Variants in CWC22 observed in about 807,000 individuals in gnomAD.
CWC22 encodes the protein pre-mRNA-splicing factor CWC22 homolog.
A neutral mutation model predicts 117.2 loss-of-function variants in CWC22; 53 were observed. The observed-to-expected ratio is 0.45, with a 90% CI of 0.36 to 0.57. The LOEUF (loss-of-function observed/expected upper bound fraction) is 0.57, where lower values mean the gene tolerates loss of function less well. Ranked by LOEUF, CWC22 falls within the 20% of genes least tolerant of loss-of-function variation. CWC22 has a pLI of 0.00. For synonymous variants in CWC22, 360 were observed against 355.6 expected (o/e 1.01, Z -0.14); for missense variants, 980 against 1,068.8 (o/e 0.92, Z 1.16).
At chr2:179,997,613 T>C (rs969948205) in intron 1 of CWC22, among the ~76,000 whole-genome samples, 4 of 152,206 alleles carry the variant, frequency 2.6e-5, no homozygotes, top group African/African-American at 9.6e-5. Context: ...TGGTATTTTT[T>C]TCCCTACCTC....
chr2:179,973,470 T>C (rs1687081664), intron 7 of CWC22, among the ~76,000 whole-genome samples, 164 bp downstream of exon 7: 1 of 152,180 alleles, frequency 6.6e-6, no homozygotes, highest in South Asian at 2.1e-4. Flanking sequence ...TCATCAATAG[T>C]GGCCAGGGAT....
chr2:179,949,863 T>C (rs1393091299), intron 19 of CWC22, among the ~76,000 whole-genome samples: 1 of 152,120 alleles, frequency 6.6e-6, no homozygotes, highest in African/African-American at 2.4e-5. Context: ...CAGTAATGCA[T>C]CTAAATCTCA....
intron 1 of CWC22, among the ~76,000 whole-genome samples, chr2:179,999,910 T>C (rs1263336536): frequency 6.6e-6 from 1 of 152,160 alleles, no homozygotes; most frequent in Non-Finnish European, 1.5e-5. Flanking sequence ...TTATTCTAAA[T>C]GCCAAAATAT....
intron 8 of CWC22, among the ~76,000 whole-genome samples, chr2:179,972,149 A>G (rs1687049727): frequency 6.6e-6 from 1 of 152,186 alleles, no homozygotes; most frequent in African/African-American, 2.4e-5. Context: ...TCAAAATCTA[A>G]AAGATTTGTA....
intron 12 of CWC22, among the ~76,000 whole-genome samples, chr2:179,965,188 A>G (rs1240286972): frequency 2.0e-5 from 3 of 152,242 alleles, no homozygotes; most frequent in African/African-American, 7.2e-5. Flanking sequence ...GGAAAAAATT[A>G]AATCTATTTT....
intron 19 of CWC22, 68 bp from the exon 20 acceptor site, chr2:179,945,783 AT>A: frequency 1.0e-6 from 1 of 975,214 alleles, no homozygotes; most frequent in Non-Finnish European, 1.5e-6. Context: ...TAACAATCAC[AT>A]TTACTGATAC....
Position 179,964,564 on chromosome 2 carries a change from A to G in CWC22, c.1380T>C (p.Tyr460=). ...TGCCTTACCTTGACTGAATAGCAAGATAAATTGTACGACGAAATGAGACCA... is the reference window on the plus strand; with the variant it reads ...TGCCTTACCTTGACTGAATAGCAAGGTAAATTGTACGACGAAATGAGACCA... The part of the protein sequence containing the change: ...INLVSFRRTI[Y]LAIQSSLDFE... Residue 460 remains tyrosine, a synonymous_variant, in exon 13 of 20, where the codon TAT becomes TAC. Transcript: ENST00000410053. 1 of 1,564,560 alleles carries G rather than the reference A, an allele frequency of 6.4e-7. No individual in the cohort carries two copies. Among genetic ancestry groups the G allele is most frequent in the Non-Finnish European group, 8.7e-7 (1 of 1,149,018 alleles).
intron 19 of CWC22, among the ~76,000 whole-genome samples, chr2:179,949,028 C>A (rs761480658): frequency 1.3e-5 from 2 of 152,080 alleles, no homozygotes; most frequent in Non-Finnish European, 2.9e-5. Flanking sequence ...CTAAAATTAG[C>A]TCAGAATAAA....
chr2:179,993,774 T>C (rs1239538402), intron 1 of CWC22, among the ~76,000 whole-genome samples: 1 of 152,006 alleles, frequency 6.6e-6, no homozygotes, highest in African/African-American at 2.4e-5. Flanking sequence ...CATACCTACA[T>C]CATAAAATAG....
chr2:179,950,787 T>A (rs976070830), intron 18 of CWC22, 38 bp downstream of exon 18: 1 of 1,600,210 alleles, frequency 6.2e-7, no homozygotes, highest in Non-Finnish European at 8.6e-7. Context: ...ATGAGATAAT[T>A]TTATAATCTG....
chr2:179,968,171 A>G (rs1686940047), intron 11 of CWC22, among the ~76,000 whole-genome samples: 1 of 152,196 alleles, frequency 6.6e-6, no homozygotes, highest in Non-Finnish European at 1.5e-5. Context: ...CTAAATGACT[A>G]ATGCAACATT....
intron 1 of CWC22, among the ~76,000 whole-genome samples, chr2:180,003,713 G>C (rs1687900903): frequency 6.6e-6 from 1 of 152,142 alleles, no homozygotes; most frequent in Non-Finnish European, 1.5e-5. Context: ...GCTGAACTCT[G>C]TCTAGCTCCA....
chr2:179,981,744 A>G lies in CWC22; in HGVS notation c.452+8T>C. 6.2e-7 allele frequency: 1 copy of G among 1,609,650 alleles called. No individual in the cohort carries two copies. The highest frequency in any genetic ancestry group is 8.5e-7 in the Non-Finnish European group (1 of 1,176,586). The stretch of plus-strand genomic sequence containing the variant: ...CATGGCTTTGTATACTGATTGATAT[A>G]AACATGCCTGTTTTTATCTGTAATC... On this transcript the variant is annotated splice_region_variant and intron_variant, in intron 5 of 19. Transcript: ENST00000410053.
rs747783627 is a variant in CWC22, at chr2:179,945,606, T to C, written c.2250A>G (p.Glu750=). 6.2e-7 allele frequency: 1 copy of C among 1,613,408 alleles called. No homozygotes were observed. The highest frequency in any genetic ancestry group is 1.1e-5 in the South Asian group (1 of 91,070). The change falls in exon 20 of 20, where the codon GAA becomes GAG. Residue 750 remains glutamate (E), a synonymous_variant. Coordinates refer to ENST00000410053, the MANE Select transcript of CWC22 (RefSeq NM_020943.3). ...NDRKQKERRQ[E]HGHQETRTER... is the part of the protein sequence containing the mutation. ...CAGTCCTTGTTTCCTGGTGCCCGTG[T>C]TCTTGTCTTCTTTCTTTTTGTTTCC...
chr2:179,950,560 T>G lies in CWC22; in HGVS notation c.2092A>C (p.Ser698Arg). The change falls in exon 19 of 20, where the codon AGT becomes CGT. Residue 698 changes from serine to arginine, a missense_variant. Transcript: ENST00000410053. ...ATGGATGAAGAGTCGCTCTCTTCACTGGAAGACTCTGAACTGCTATCACTG... is the reference window on the plus strand; with the variant it reads ...ATGGATGAAGAGTCGCTCTCTTCACGGGAAGACTCTGAACTGCTATCACTG... ...DSSDSSSESS[S>R]EESDSSSISS... 1 of 1,613,190 alleles carries G rather than the reference T, an allele frequency of 6.2e-7. No homozygotes were observed. Among genetic ancestry groups the G allele is most frequent in the Non-Finnish European group, 8.5e-7 (1 of 1,179,398 alleles).
chr2:179,986,744 A>T lies in CWC22; in HGVS notation c.157T>A (p.Tyr53Asn). 6.2e-7 allele frequency: 1 copy of T among 1,609,728 alleles called. No individual in the cohort carries two copies. The highest frequency in any genetic ancestry group is 8.5e-7 in the Non-Finnish European group (1 of 1,177,346). Residue 53 changes from tyrosine (Y) to asparagine (N), a missense_variant, in exon 4 of 20, where the codon TAT becomes AAT. Transcript: ENST00000410053. ...RDYFDYSRSD[Y>N]EHSRRGRSYD... ...GAACGTCCTCTTCTTGAATGCTCAT[A>T]GTCTGATCTGCTGTAATCAAAGTAA...
At chr2:179,988,522 C>A in intron 3 of CWC22, 55 bp downstream of exon 3, 2 of 937,352 alleles carry the variant, frequency 2.1e-6, no homozygotes, top group South Asian at 3.4e-5. Context: ...TAAATTATTA[C>A]ATAAACCTTA....
intron 11 of CWC22, among the ~76,000 whole-genome samples, chr2:179,969,124 T>C (rs924377579): frequency 1.3e-5 from 2 of 152,138 alleles, no homozygotes; most frequent in East Asian, 1.9e-4. Context: ...CATTGGCCAA[T>C]TGCCTAGATG....
intron 3 of CWC22, 25 bp from the exon 4 acceptor site, chr2:179,986,830 T>A: frequency 7.3e-7 from 1 of 1,368,710 alleles, no homozygotes; most frequent in Non-Finnish European, 1.0e-6. Context: ...GAAAACCAAG[T>A]TGCAAATTAA....
Sources: gnomAD v4.1 joint callset for allele counts (sites outside exome capture counted in the v4.1 genomes callset) on GRCh38, gnomAD v4.1.1 for gene constraint, MANE v1.5 for transcripts, NCBI Gene and HGNC (gene_info 2026-07-23, HGNC 2026-07-21) for gene names.